The following ECI2 variants were observed in gnomAD, a reference collection of about 807,000 sequenced individuals.
The protein encoded by ECI2 is enoyl-CoA delta isomerase 2.
Under a neutral mutation model 38.4 loss-of-function variants are expected in ECI2, and 27 were observed. The ratio of observed to expected loss-of-function variants is 0.70; its 90% CI spans 0.52 to 0.97. The LOEUF (loss-of-function observed/expected upper bound fraction) is 0.97, where lower values mean the gene tolerates loss of function less well. Ranked by LOEUF, ECI2 falls within the 50% of genes least tolerant of loss-of-function variation. The pLI, the probability that ECI2 is intolerant of heterozygous loss-of-function variation, is 0.00. For missense variants in ECI2, 470 were observed against 474.4 expected (o/e 0.99, Z 0.09); for synonymous variants, 168 against 172.0 (o/e 0.98, Z 0.18).
intron 7 of ECI2, among the ~76,000 whole-genome samples, chr6:4,119,762 TAG>T (rs1193855757): frequency 2.0e-5 from 3 of 152,080 alleles, no homozygotes; most frequent in African/African-American, 7.2e-5. Flanking sequence ...TTTGAACAAA[TAG>T]AGAGTTACAT....
At chr6:4,124,476 C>T (rs1773012667) in intron 7 of ECI2, among the ~76,000 whole-genome samples, 1 of 152,154 alleles carries the variant, frequency 6.6e-6, no homozygotes. Flanking sequence ...GCATAAGTCA[C>T]TGGACAATCT....
In ECI2 at chr6:4,117,251, A is replaced by T. The variant is rs1043229297; in HGVS notation, c.1029+57T>A. The T allele has an allele frequency of 1.6e-5, 25 of 1,536,510 alleles. No individual in the cohort carries two copies. In the Admixed American group the frequency reaches 5.4e-4, roughly 33 times the overall value. The stretch of plus-strand genomic sequence containing the variant: ...TGACTTATTCTCTGAAGGCAAATAA[A>T]TTTTTCCCTTAGGAAATCATTTTCA... On this transcript the variant is annotated intron_variant, in intron 9 of 9. Coordinates refer to ENST00000380118, the MANE Select transcript of ECI2 (RefSeq NM_206836.3).
At chr6:4,130,598 A>G (rs1225749702) in intron 3 of ECI2, 38 bp from the exon 4 acceptor site, 3 of 1,614,086 alleles carry the variant, frequency 1.9e-6, no homozygotes, top group Non-Finnish European at 2.5e-6. Context: ...GCCCATGGTC[A>G]ATGAATAAGC....
At chr6:4,133,798 C>G in intron 1 of ECI2, 87 bp from the exon 2 acceptor site, 1 of 1,417,230 alleles carries the variant, frequency 7.1e-7, no homozygotes, top group South Asian at 1.6e-5. Context: ...CTATACATAA[C>G]AAAATGCCAT....
intron 7 of ECI2, among the ~76,000 whole-genome samples, chr6:4,120,189 A>G (rs1363134638): frequency 6.6e-6 from 1 of 152,204 alleles, no homozygotes; most frequent in Non-Finnish European, 1.5e-5. Context: ...CACCTTAAAT[A>G]TATCTAGTCG....
At position 4,126,213 on chromosome 6, in the gene ECI2, C is replaced by T; in HGVS notation, c.596G>A (p.Gly199Glu). 6.2e-7 allele frequency: 1 copy of T among 1,613,386 alleles called. No homozygotes were observed. Among genetic ancestry groups the T allele is most frequent in the Non-Finnish European group, 8.5e-7 (1 of 1,179,814 alleles). ...ATCAGTGAAGTTAGTCAGATCATTC[C>T]CACTACTGTAATAGTCACCATTTCC... is the stretch of plus-strand genomic sequence containing the variant. ...LTGNGDYYSS[G>E]NDLTNFTDIP... Residue 199 changes from glycine (G) to glutamate (E), a missense_variant, in exon 6 of 10, where the codon GGG (glycine) becomes GAG (glutamate). Transcript: ENST00000380118.
At chr6:4,118,279 G>C (rs1369566652) in intron 8 of ECI2, 1 of 152,386 alleles carries the variant, frequency 6.6e-6, no homozygotes, top group Non-Finnish European at 1.5e-5. Flanking sequence ...TGATCCACCA[G>C]CCTTGGCCTC....
At chr6:4,129,775 T>C (rs1773406301) in intron 4 of ECI2, among the ~76,000 whole-genome samples, 2 of 152,182 alleles carry the variant, frequency 1.3e-5, no homozygotes, top group South Asian at 2.1e-4. Context: ...TCTGAAATTT[T>C]AGTCCCAGTT....
chr6:4,135,092 G>A (rs538350240), intron 1 of ECI2: 3 of 471,798 alleles, frequency 6.4e-6, no homozygotes, highest in African/African-American at 2.0e-5. Context: ...AAGTCCACAC[G>A]AGTGATAACG....
At chr6:4,133,177 A>T (rs1054207705) in intron 2 of ECI2, among the ~76,000 whole-genome samples, 1 of 152,186 alleles carries the variant, frequency 6.6e-6, no homozygotes, top group African/African-American at 2.4e-5. Flanking sequence ...TATAACCTTG[A>T]CACCATTAAC....
At chr6:4,128,860 C>T (rs1210983425) in intron 4 of ECI2, among the ~76,000 whole-genome samples, 1 of 152,122 alleles carries the variant, frequency 6.6e-6, no homozygotes, top group Admixed American at 6.6e-5. Context: ...GTTGTCCACA[C>T]GGAGGTCCTG....
chr6:4,122,525 T>C (rs1015807818), intron 7 of ECI2, among the ~76,000 whole-genome samples: 6 of 150,658 alleles, frequency 4.0e-5, no homozygotes, highest in Non-Finnish European at 5.9e-5. Flanking sequence ...CCAGCCTAGA[T>C]TGTAAAACTT....
In ECI2 at chr6:4,130,747, A is replaced by G. The variant is rs1773465779; in HGVS notation, c.312+20T>C. On this transcript the variant is annotated intron_variant, in intron 3 of 9. Transcript: ENST00000380118. ...CTTTAGAAGTACAGCAAATAAAAGC[A>G]CAGTAACTAGTAAACTCACCTTGGG... 6.2e-7 allele frequency: 1 copy of G among 1,613,134 alleles called. No homozygotes were observed.
At chr6:4,117,575 G>T in intron 8 of ECI2, 124 bp from the exon 9 acceptor site, 1 of 1,349,108 alleles carries the variant, frequency 7.4e-7, no homozygotes, top group Non-Finnish European at 9.9e-7. Flanking sequence ...GTATTTCTCA[G>T]TAAGGGAGAA....
intron 7 of ECI2, among the ~76,000 whole-genome samples, chr6:4,121,433 G>A (rs1772745199): frequency 6.6e-6 from 1 of 151,840 alleles, no homozygotes. Context: ...TCTCTCATAT[G>A]GTTTTAATAG....
chr6:4,126,240 ATAAG>A lies in ECI2; in HGVS notation c.572-7_572-4del, dbSNP rs1204497990. ...ACTACTGTAATAGTCACCATTTCCT[ATAAG>A]TAAGAAAATCAACAGATCCCTCATT... On this transcript the variant is annotated splice_region_variant and splice_polypyrimidine_tract_variant and intron_variant, in intron 5 of 9. Transcript: ENST00000380118. 6.2e-7 allele frequency: 1 copy of A among 1,607,530 alleles called. No homozygotes were observed. The highest frequency in any genetic ancestry group is 2.2e-5 in the East Asian group (1 of 44,854).
intron 7 of ECI2, 39 bp downstream of exon 7, chr6:4,125,211 C>T: frequency 6.2e-7 from 1 of 1,609,742 alleles, no homozygotes; most frequent in Non-Finnish European, 8.5e-7. Context: ...TCATCTCGCG[C>T]TGCTTGCCTG....
chr6:4,121,131 TC>T (rs1376965953), intron 7 of ECI2, among the ~76,000 whole-genome samples: 1 of 152,232 alleles, frequency 6.6e-6, no homozygotes, highest in Non-Finnish European at 1.5e-5. Flanking sequence ...TAAGTCTTTT[TC>T]ATTTTAACCA....
At chr6:4,132,267 T>TA (rs1002364860) in intron 2 of ECI2, among the ~76,000 whole-genome samples, 10 of 151,938 alleles carry the variant, frequency 6.6e-5, no homozygotes, top group Admixed American at 6.6e-4. Context: ...AGGGCACCTC[T>TA]ACCAGAATTG....
Sources: gnomAD v4.1 joint callset for allele counts (sites outside exome capture counted in the v4.1 genomes callset) on GRCh38, gnomAD v4.1.1 for gene constraint, MANE v1.5 for transcripts, NCBI Gene and HGNC (gene_info 2026-07-23, HGNC 2026-07-21) for gene names.